TRAF3IP3: variants seen among roughly 807,000 people sequenced by gnomAD.
TRAF3IP3 encodes the protein TRAF3-interacting JNK-activating modulator.
Under a neutral mutation model 86.5 loss-of-function variants are expected in TRAF3IP3, and 64 were observed. That is an observed-to-expected ratio of 0.74 (90% confidence interval 0.60 to 0.91). The LOEUF (loss-of-function observed/expected upper bound fraction) is 0.91, where lower values mean the gene tolerates loss of function less well. Ranked by LOEUF, TRAF3IP3 falls within the 40% of genes least tolerant of loss-of-function variation. The pLI is 0.00. For synonymous variants in TRAF3IP3, 220 were observed against 243.9 expected (o/e 0.90, Z 0.91); for missense variants, 579 against 642.9 (o/e 0.90, Z 1.07).
At position 209,775,625 on chromosome 1, in the gene TRAF3IP3, G is replaced by A. The variant is rs939330207; in HGVS notation, c.942G>A (p.Lys314=). Reference sequence around the variant, plus strand: ...GATCCCTGGCCCTGGCAGAGCAGAAGTGTGAAGAGTGGAGGAGCCAGTATG... The same window carrying A: ...GATCCCTGGCCCTGGCAGAGCAGAAATGTGAAGAGTGGAGGAGCCAGTATG... ...TQRSLALAEQ[K]CEEWRSQYEA... is the part of the protein sequence containing the mutation. Residue 314 remains lysine (K), a synonymous_variant, in exon 11 of 17, where the codon AAG becomes AAA. Transcript: ENST00000367025. 5 of 1,614,084 alleles carry A rather than the reference G, an allele frequency of 3.1e-6. No individual in the cohort carries two copies. Among genetic ancestry groups the A allele is most frequent in the Non-Finnish European group, 1.7e-6 (2 of 1,180,036 alleles).
chr1:209,769,237 T>G (rs2077416885), intron 8 of TRAF3IP3, among the ~76,000 whole-genome samples: 1 of 107,954 alleles, frequency 9.3e-6, no homozygotes, highest in Non-Finnish European at 1.9e-5. Context: ...AAGGCAAATG[T>G]GTGGAACCGA....
chr1:209,766,216 C>T (rs1257161730), intron 8 of TRAF3IP3, among the ~76,000 whole-genome samples: 1 of 152,204 alleles, frequency 6.6e-6, no homozygotes, highest in Admixed American at 6.5e-5. Flanking sequence ...AATCTGTGGT[C>T]AGAGCTCCTG....
chr1:209,768,360 G>C, intron 8 of TRAF3IP3: 1 of 985,462 alleles, frequency 1.0e-6, no homozygotes, highest in Non-Finnish European at 1.2e-6. Flanking sequence ...GACTCCTGAG[G>C]AGGGTCCAAC....
intron 8 of TRAF3IP3, among the ~76,000 whole-genome samples, chr1:209,770,561 AG>A (rs2077453568): frequency 7.3e-6 from 1 of 136,094 alleles, no homozygotes; most frequent in Non-Finnish European, 1.6e-5. Flanking sequence ...GTGTGTGTCC[AG>A]GTAGAATGTG....
At chr1:209,756,765 T>C (rs184284764) in intron 1 of TRAF3IP3, among the ~76,000 whole-genome samples, 114 of 152,288 alleles carry the variant, frequency 7.5e-4, no homozygotes, top group Non-Finnish European at 1.3e-3. Flanking sequence ...ATTACAAACA[T>C]GGCCAGGAAG....
chr1:209,777,361 A>T lies in TRAF3IP3; in HGVS notation c.1063A>T (p.Ser355Cys). 1 of 1,613,696 alleles carries T rather than the reference A, an allele frequency of 6.2e-7. No homozygotes were observed. The highest frequency in any genetic ancestry group is 1.1e-5 in the South Asian group (1 of 91,060). ...VLQSKLQGAD[S>C]RDLQMNQALR... Reference sequence around the variant, plus strand: ...TTCCTCCTCCTTACAGGGAGCAGATAGCAGGGACTTACAGATGAACCAGGC... The same window carrying T: ...TTCCTCCTCCTTACAGGGAGCAGATTGCAGGGACTTACAGATGAACCAGGC... Residue 355 changes from serine (S) to cysteine (C), a missense_variant, in exon 12 of 17, where the codon AGC becomes TGC. Ser to Cys is a moderately radical substitution (Grantham distance 112). Transcript: ENST00000367025.
intron 8 of TRAF3IP3, among the ~76,000 whole-genome samples, chr1:209,765,214 GGA>G (rs71143894): frequency 2.4e-5 from 1 of 42,304 alleles, no homozygotes; most frequent in Non-Finnish European, 4.5e-5. Flanking sequence ...AGAGAGAGAG[GGA>G]GAGAGAGAGA....
In TRAF3IP3 at chr1:209,763,604, C is replaced by A. The variant is rs545290075; in HGVS notation, c.702+17C>A. On this transcript the variant is annotated intron_variant, in intron 8 of 16. Transcript: ENST00000367025. ...TCTTGGAAGGTAAGGGAATGAAATT[C>A]TTTTTGAACAAAGCTTGGGCTTCTA... 11 of 1,582,284 alleles carry A rather than the reference C, an allele frequency of 7.0e-6. No individual in the cohort carries two copies. The highest frequency in any genetic ancestry group is 2.3e-5 in the East Asian group (1 of 44,418).
intron 13 of TRAF3IP3, chr1:209,778,696 AG>A (rs1420623904): frequency 6.5e-6 from 1 of 154,360 alleles, no homozygotes; most frequent in Non-Finnish European, 1.4e-5. Context: ...GACACCTGAT[AG>A]AGAAGCTTCA....
chr1:209,778,348 T>C, intron 13 of TRAF3IP3, 175 bp downstream of exon 13: 1 of 532,868 alleles, frequency 1.9e-6, no homozygotes, highest in South Asian at 2.8e-5. Flanking sequence ...CCATAAATTA[T>C]GTGTTAGCCT....
chr1:209,773,071 A>G (rs759746235), intron 9 of TRAF3IP3, 52 bp downstream of exon 9: 3 of 1,490,394 alleles, frequency 2.0e-6, no homozygotes, highest in Non-Finnish European at 2.8e-6. Context: ...TTAAATGAGA[A>G]GAATGTTTTT....
rs1249377829 is a variant in TRAF3IP3, at chr1:209,781,387, T to C, written c.1492T>C (p.Tyr498His). 3 of 1,613,584 alleles carry C rather than the reference T, an allele frequency of 1.9e-6. No homozygotes were observed. The highest frequency in any genetic ancestry group is 2.5e-6 in the Non-Finnish European group (3 of 1,179,668). Reference sequence around the variant, plus strand: ...AGAATTAGACAACCTCAGTGACGAGTATCTCTCCTGCCTGCGTAAGCTGCA... The same window carrying C: ...AGAATTAGACAACCTCAGTGACGAGCATCTCTCCTGCCTGCGTAAGCTGCA... ...HSELDNLSDE[Y>H]LSCLRKLQHC... Residue 498 changes from tyrosine to histidine, a missense_variant, in exon 16 of 17, where the codon TAT becomes CAT. By Grantham distance (83) the Tyr-to-His change is moderately conservative. Transcript: ENST00000367025.
intron 9 of TRAF3IP3, 97 bp from the exon 10 acceptor site, chr1:209,775,252 G>A (rs1341615864): frequency 4.6e-5 from 56 of 1,217,254 alleles, no homozygotes; most frequent in Non-Finnish European, 6.3e-5. Context: ...ATCTCTGCCT[G>A]GGGGAAGAAC....
In TRAF3IP3 at chr1:209,782,300, A is replaced by G; in HGVS notation, c.*152A>G. The G allele has an allele frequency of 1.6e-6, 1 of 625,652 alleles. No homozygotes were observed. The highest frequency in any genetic ancestry group is 2.9e-6 in the Non-Finnish European group (1 of 348,306). 38.8% of individuals were successfully genotyped at this position (625,652 alleles called of 1,614,324 possible). ...TCTTAACCTACTGTAAATAAACTTC[A>G]CCTGACCAGATTGTTCCTCAGAACT... On this transcript the variant is annotated 3_prime_UTR_variant, in exon 17 of 17. Transcript: ENST00000367025.
chr1:209,776,958 G>A (rs1001317061), intron 11 of TRAF3IP3: 2 of 155,230 alleles, frequency 1.3e-5, no homozygotes, highest in African/African-American at 4.8e-5. Flanking sequence ...CAAAACTACT[G>A]GCAAATGCCT....
Position 209,775,634 on chromosome 1 carries a change from G to A in TRAF3IP3, c.951G>A (p.Glu317=), listed in dbSNP as rs866125855. ...CCCTGGCAGAGCAGAAGTGTGAAGA[G>A]TGGAGGAGCCAGTATGAGGCTCTGA... ...SLALAEQKCE[E]WRSQYEALKE... Residue 317 remains glutamate, a synonymous_variant, in exon 11 of 17, where the codon GAG becomes GAA. Coordinates refer to ENST00000367025, the MANE Select transcript of TRAF3IP3 (RefSeq NM_025228.4). The A allele has an allele frequency of 6.2e-7, 1 of 1,614,190 alleles. No homozygotes were observed. Among genetic ancestry groups the A allele is most frequent in the Admixed American group, 1.7e-5 (1 of 60,022 alleles).
chr1:209,775,838 C>A, intron 11 of TRAF3IP3, 102 bp downstream of exon 11: 2 of 1,183,478 alleles, frequency 1.7e-6, no homozygotes, highest in Non-Finnish European at 2.3e-6. Flanking sequence ...CAGCTGACAG[C>A]ATCTGGCTTT....
intron 8 of TRAF3IP3, among the ~76,000 whole-genome samples, chr1:209,770,981 GGTGT>G (rs1233620475): frequency 1.4e-5 from 2 of 142,922 alleles, no homozygotes; most frequent in South Asian, 2.3e-4. Context: ...TGCATGTGGA[GGTGT>G]GTGTGTGCAG....
intron 3 of TRAF3IP3, 62 bp downstream of exon 3, chr1:209,760,446 G>A (rs186103430): frequency 1.4e-6 from 2 of 1,406,264 alleles, no homozygotes; most frequent in East Asian, 2.5e-5. Flanking sequence ...CAAGGAGGGT[G>A]GGTGGGCTCA....
Sources: gnomAD v4.1 joint callset for allele counts (sites outside exome capture counted in the v4.1 genomes callset) on GRCh38, gnomAD v4.1.1 for gene constraint, MANE v1.5 for transcripts, NCBI Gene and HGNC (gene_info 2026-07-23, HGNC 2026-07-21) for gene names.